FBXL17: variants seen among roughly 807,000 people sequenced by gnomAD.
FBXL17 encodes the protein F-box/LRR-repeat protein 17.
A neutral mutation model predicts 66.2 loss-of-function variants in FBXL17; 22 were observed. The observed-to-expected ratio is 0.33, with a 90% CI of 0.24 to 0.47. The LOEUF (loss-of-function observed/expected upper bound fraction) is 0.47, where lower values mean the gene tolerates loss of function less well. Ranked by LOEUF, FBXL17 falls within the 20% of genes least tolerant of loss-of-function variation. The probability of loss-of-function intolerance (pLI) is 1.00; values close to 1 mark genes in which losing one functional copy is unlikely to be tolerated. For synonymous variants in FBXL17, 474 were observed against 400.5 expected (o/e 1.18, Z -2.19); for missense variants, 878 against 948.2 (o/e 0.93, Z 0.97).
At chr5:107,931,223 T>C (rs1431778146) in intron 7 of FBXL17, among the ~76,000 whole-genome samples, 4 of 152,022 alleles carry the variant, frequency 2.6e-5, no homozygotes, top group African/African-American at 9.7e-5. Context: ...TCAAAACCTC[T>C]TCAGCATTTT....
intron 6 of FBXL17, among the ~76,000 whole-genome samples, chr5:108,168,840 G>C (rs779495628): frequency 1.3e-5 from 2 of 152,122 alleles, no homozygotes; most frequent in Non-Finnish European, 2.9e-5. Context: ...TTGAAATATA[G>C]TGTACAACTA....
intron 7 of FBXL17, among the ~76,000 whole-genome samples, chr5:107,909,408 C>T (rs182109844): frequency 1.7e-3 from 254 of 152,208 alleles, no homozygotes; most frequent in African/African-American, 5.8e-3. Context: ...GAGCTTCAAA[C>T]CATAATTAGC....
At chr5:108,351,239 A>T (rs1159108192) in intron 3 of FBXL17, among the ~76,000 whole-genome samples, 3 of 152,222 alleles carry the variant, frequency 2.0e-5, no homozygotes, top group African/African-American at 7.2e-5. Flanking sequence ...AAAAATTATA[A>T]TAGAATTATG....
intron 7 of FBXL17, among the ~76,000 whole-genome samples, chr5:107,970,506 C>T (rs1561345187): frequency 6.6e-6 from 1 of 152,146 alleles, no homozygotes; most frequent in Non-Finnish European, 1.5e-5. Flanking sequence ...TTTCTTCTAT[C>T]CCTTAGGCCA....
chr5:108,187,672 C>T (rs1753293578), intron 5 of FBXL17, among the ~76,000 whole-genome samples: 1 of 152,196 alleles, frequency 6.6e-6, no homozygotes, highest in South Asian at 2.1e-4. Flanking sequence ...AGATAAGGAC[C>T]TCAGACTTAC....
chr5:107,937,028 T>A (rs528871489), intron 7 of FBXL17, among the ~76,000 whole-genome samples: 12 of 151,850 alleles, frequency 7.9e-5, no homozygotes, highest in East Asian at 3.9e-4. Flanking sequence ...TTAAAAAAAA[T>A]TGGATGGGAA....
chr5:107,865,804 C>A (rs187968546), intron 8 of FBXL17, among the ~76,000 whole-genome samples: 101 of 152,270 alleles, frequency 6.6e-4, no homozygotes, highest in Non-Finnish European at 9.0e-4. Context: ...TCTCTCCTGG[C>A]AATAGTGTGA....
chr5:108,181,143 G>A (rs974703757), intron 6 of FBXL17, among the ~76,000 whole-genome samples: 42 of 152,214 alleles, frequency 2.8e-4, no homozygotes, highest in African/African-American at 7.7e-4. Flanking sequence ...CCCAAAACAT[G>A]CTGCTTCTGG....
At chr5:108,171,122 T>C (rs1242566117) in intron 6 of FBXL17, among the ~76,000 whole-genome samples, 1 of 152,228 alleles carries the variant, frequency 6.6e-6, no homozygotes, top group Non-Finnish European at 1.5e-5. Context: ...TTTTTCTCCA[T>C]GCATTCTCTA....
At chr5:108,358,816 T>G (rs980458661) in intron 3 of FBXL17, among the ~76,000 whole-genome samples, 3 of 152,132 alleles carry the variant, frequency 2.0e-5, no homozygotes, top group Admixed American at 6.6e-5. Flanking sequence ...GTCCTTAGTC[T>G]TTCTTCATTG....
intron 6 of FBXL17, among the ~76,000 whole-genome samples, chr5:108,080,064 T>C (rs899831304): frequency 1.3e-5 from 2 of 152,156 alleles, no homozygotes; most frequent in African/African-American, 4.8e-5. Context: ...CCACCTACTG[T>C]CTGGAGGCAC....
chr5:108,295,880 C>T (rs1025468583), intron 4 of FBXL17, among the ~76,000 whole-genome samples: 1 of 149,818 alleles, frequency 6.7e-6, no homozygotes, highest in Admixed American at 6.7e-5. Flanking sequence ...AATTTAGATT[C>T]GACTGTGTAG....
intron 6 of FBXL17, among the ~76,000 whole-genome samples, chr5:108,060,407 T>C (rs1450601596): frequency 1.3e-5 from 2 of 152,150 alleles, no homozygotes; most frequent in African/African-American, 4.8e-5. Context: ...TTTATGTCAT[T>C]TGTTCTCAAC....
At chr5:108,037,590 G>A (rs961594948) in intron 6 of FBXL17, among the ~76,000 whole-genome samples, 4 of 152,156 alleles carry the variant, frequency 2.6e-5, no homozygotes, top group African/African-American at 9.7e-5. Context: ...GGCTTTAACA[G>A]GCAGAATGAC....
chr5:108,154,695 GTA>G (rs1440619741), intron 6 of FBXL17, among the ~76,000 whole-genome samples: 4 of 130,646 alleles, frequency 3.1e-5, no homozygotes, highest in African/African-American at 1.1e-4. Flanking sequence ...ACATATATAT[GTA>G]TATACATATA....
chr5:108,357,416 T>A (rs61614616), intron 3 of FBXL17, among the ~76,000 whole-genome samples: 7,860 of 152,026 alleles, frequency 0.052, 679 homozygotes, highest in African/African-American at 0.18. Flanking sequence ...CTATCTGAAA[T>A]GGAAAGATCC....
At chr5:108,301,625 C>A (rs575261829) in intron 4 of FBXL17, among the ~76,000 whole-genome samples, 2 of 151,744 alleles carry the variant, frequency 1.3e-5, no homozygotes, top group South Asian at 2.1e-4. Flanking sequence ...AGAAAAAAGA[C>A]AAACACTGGA....
intron 7 of FBXL17, among the ~76,000 whole-genome samples, chr5:107,953,277 G>A (rs1307901230): frequency 2.0e-5 from 3 of 151,630 alleles, no homozygotes; most frequent in East Asian, 1.9e-4. Flanking sequence ...GCTGGCGGGC[G>A]CCTTAGTCCC....
intron 4 of FBXL17, among the ~76,000 whole-genome samples, chr5:108,254,900 A>G (rs1361508783): frequency 6.6e-6 from 1 of 152,208 alleles, no homozygotes; most frequent in African/African-American, 2.4e-5. Flanking sequence ...ACACCACTCA[A>G]TCACAATTTA....
Sources: allele counts gnomAD v4.1 joint callset (sites outside exome capture counted in the v4.1 genomes callset), GRCh38; gene constraint gnomAD v4.1.1; transcripts MANE v1.5; gene names NCBI Gene and HGNC (gene_info 2026-07-23, HGNC 2026-07-21).